Variants in DPPA3 observed in about 807,000 individuals in gnomAD.
DPPA3 encodes the protein developmental pluripotency-associated protein 3.
Under a neutral mutation model 15.6 loss-of-function variants are expected in DPPA3, and 9 were observed. The ratio of observed to expected loss-of-function variants is 0.58; its 90% CI spans 0.35 to 1.01. The LOEUF (loss-of-function observed/expected upper bound fraction) is 1.01, where lower values mean the gene tolerates loss of function less well. Among genes scored for constraint, DPPA3 ranks in the 50% least tolerant of loss-of-function variants. The pLI, the probability that DPPA3 is intolerant of heterozygous loss-of-function variation, is 0.02. For synonymous variants in DPPA3, 61 were observed against 70.9 expected (o/e 0.86, Z 0.70); for missense variants, 148 against 194.6 (o/e 0.76, Z 1.42).
chr12:7,717,092 CCTTT>C lies in DPPA3; in HGVS notation c.*16_*19del. 1.3e-6 allele frequency: 2 copies of C among 1,560,150 alleles called. No homozygotes were observed. Among genetic ancestry groups the C allele is most frequent in the Non-Finnish European group, 1.8e-6 (2 of 1,136,678 alleles). Reference sequence around the variant, plus strand: ...TTCAGCCATAAATCTTATTCTTGCACCTTTTTTTCTTGGTAGTAATTTTATATAG... The same window carrying C: ...TTCAGCCATAAATCTTATTCTTGCACTTTTCTTGGTAGTAATTTTATATAG... On this transcript the variant is annotated 3_prime_UTR_variant, in exon 4 of 4. Transcript: ENST00000345088.
chr12:7,716,602 TAC>T (rs1864402429), intron 3 of DPPA3, among the ~76,000 whole-genome samples: 2 of 77,052 alleles, frequency 2.6e-5, no homozygotes, highest in Non-Finnish European at 7.3e-5. Context: ...GTTAGGTTGA[TAC>T]TTTCACGTGC....
intron 1 of DPPA3, among the ~76,000 whole-genome samples, chr12:7,714,103 G>C (rs548287120): frequency 7.6e-4 from 116 of 152,110 alleles, no homozygotes; most frequent in Non-Finnish European, 1.3e-3. Context: ...GGTGGTGGGC[G>C]CCTGTAGTCC....
Position 7,715,367 on chromosome 12 carries a change from G to C in DPPA3, c.267G>C (p.Leu89=), listed in dbSNP as rs761582573. 1 of 1,614,158 alleles carries C rather than the reference G, an allele frequency of 6.2e-7. No individual in the cohort carries two copies. Among genetic ancestry groups the C allele is most frequent in the Admixed American group, 1.7e-5 (1 of 60,004 alleles). ...GCAGGAGAGGAGTAAGAACATTGCTGTCTGTGCAGAGAGAAAAGATGGCAA... is the reference window on the plus strand; with the variant it reads ...GCAGGAGAGGAGTAAGAACATTGCTCTCTGTGCAGAGAGAAAAGATGGCAA... ...LYSRRGVRTL[L]SVQREKMARL... is the part of the protein sequence containing the mutation. Residue 89 remains leucine (L), a synonymous_variant, in exon 2 of 4, where the codon CTG becomes CTC. Coordinates refer to ENST00000345088, the MANE Select transcript of DPPA3 (RefSeq NM_199286.4).
chr12:7,716,247 T>C lies in DPPA3; in HGVS notation c.369+8T>C. On this transcript the variant is annotated splice_region_variant and intron_variant, in intron 3 of 3. Coordinates refer to ENST00000345088, the MANE Select transcript of DPPA3 (RefSeq NM_199286.4). ...GAGCCTAAGGGAGTTAAGGTAAGTA[T>C]AATTTTTTTCTTTTTATTTTCCTTT... 6.4e-7 allele frequency: 1 copy of C among 1,563,858 alleles called. No homozygotes were observed. The highest frequency in any genetic ancestry group is 1.2e-5 in the South Asian group (1 of 81,390).
At chr12:7,712,893 G>A (rs1426939178) in intron 1 of DPPA3, among the ~76,000 whole-genome samples, 1 of 152,184 alleles carries the variant, frequency 6.6e-6, no homozygotes, top group Non-Finnish European at 1.5e-5. Context: ...ACATTTTTGA[G>A]ACAGGCTTTC....
At chr12:7,716,369 G>T in intron 3 of DPPA3, 130 bp downstream of exon 3, 1 of 678,484 alleles carries the variant, frequency 1.5e-6, no homozygotes, top group Non-Finnish European at 2.5e-6. Flanking sequence ...GAATCCCCAG[G>T]GACTCTGGAT....
At chr12:7,714,093 G>A (rs1048130022) in intron 1 of DPPA3, among the ~76,000 whole-genome samples, 7 of 151,908 alleles carry the variant, frequency 4.6e-5, no homozygotes, top group Non-Finnish European at 7.4e-5. Context: ...AGCCGGGCAT[G>A]GTGGTGGGCG....
chr12:7,716,821 A>C (rs1468726283), intron 3 of DPPA3, 146 bp from the exon 4 acceptor site: 8 of 709,500 alleles, frequency 1.1e-5, no homozygotes, highest in Middle Eastern at 4.8e-4. Context: ...TTCTCCTAAA[A>C]TGTTTTGCTT....
chr12:7,713,988 G>C (rs1024454959), intron 1 of DPPA3, among the ~76,000 whole-genome samples: 4 of 152,166 alleles, frequency 2.6e-5, no homozygotes, highest in Admixed American at 1.3e-4. Context: ...ACTCCAGCCT[G>C]GGTGACAGAG....
At chr12:7,715,781 G>C (rs990211590) in intron 2 of DPPA3, among the ~76,000 whole-genome samples, 2 of 151,138 alleles carry the variant, frequency 1.3e-5, no homozygotes, top group Non-Finnish European at 2.9e-5. Context: ...TGGGCAACAA[G>C]AACAAAACAA....
chr12:7,716,642 G>A (rs1864403843), intron 3 of DPPA3, among the ~76,000 whole-genome samples: 1 of 152,124 alleles, frequency 6.6e-6, no homozygotes, highest in African/African-American at 2.4e-5. Context: ...CGGTAGCACT[G>A]TATAGTAAGA....
intron 1 of DPPA3, among the ~76,000 whole-genome samples, chr12:7,713,071 A>G (rs1864362679): frequency 6.6e-6 from 1 of 152,220 alleles, no homozygotes; most frequent in Admixed American, 6.5e-5. Context: ...CTTCCGGTGG[A>G]GAACTCCTTT....
At position 7,715,308 on chromosome 12, in the gene DPPA3, G is replaced by T. The variant is rs1329939142; in HGVS notation, c.208G>T (p.Val70Phe). The change falls in exon 2 of 4, where the codon GTC (valine) becomes TTC (phenylalanine). Residue 70 changes from valine (V) to phenylalanine (F), a missense_variant. By Grantham distance (50) the Val-to-Phe change is conservative. Transcript: ENST00000345088. ...CCGTCGAGAGTCTGTAGGAGCAGCA[G>T]TCCTCAGGGAAATCGAAGATGAGTG... ...LLRRESVGAA[V>F]LREIEDEWLY... The T allele has an allele frequency of 6.2e-7, 1 of 1,614,098 alleles. No individual in the cohort carries two copies. The highest frequency in any genetic ancestry group is 8.5e-7 in the Non-Finnish European group (1 of 1,179,988).
intron 2 of DPPA3, 87 bp from the exon 3 acceptor site, chr12:7,716,111 C>G: frequency 8.4e-7 from 1 of 1,195,128 alleles, no homozygotes; most frequent in Non-Finnish European, 1.2e-6. Context: ...TCAACAAATT[C>G]CCTAGCTTCT....
chr12:7,715,488 G>A, intron 2 of DPPA3, 61 bp downstream of exon 2: 2 of 1,610,980 alleles, frequency 1.2e-6, no homozygotes, highest in East Asian at 2.2e-5. Context: ...CATAAATTAA[G>A]ACCTAATTAA....
In DPPA3 at chr12:7,717,006, G is replaced by A. The variant is rs571145972; in HGVS notation, c.409G>A (p.Val137Met). Residue 137 changes from valine to methionine, a missense_variant, in exon 4 of 4, where the codon GTG (valine) becomes ATG (methionine). Transcript: ENST00000345088. ...ATTCAAATGTCCCTGCAGTTTCTGC[G>A]TGTCTAATGGATGGGATCCTTCTGA... ...RPFKCPCSFC[V>M]SNGWDPSENA... is the part of the protein sequence containing the mutation. 5.9e-5 allele frequency: 96 copies of A among 1,613,636 alleles called. No homozygotes were observed. Among genetic ancestry groups the A allele is most frequent in the South Asian group, 3.0e-4 (27 of 91,062 alleles).
At position 7,715,180 on chromosome 12, in the gene DPPA3, C is replaced by T; in HGVS notation, c.83-3C>T. 1.9e-6 allele frequency: 3 copies of T among 1,613,250 alleles called. No individual in the cohort carries two copies. Among genetic ancestry groups the T allele is most frequent in the Non-Finnish European group, 1.7e-6 (2 of 1,179,674 alleles). On this transcript the variant is annotated splice_region_variant and splice_polypyrimidine_tract_variant and intron_variant, in intron 1 of 3. Transcript: ENST00000345088. Reference sequence around the variant, plus strand: ...TGTAATGGCTTTTAACCTTCTCTTTCAGGGGCCTCTCAAATCTCCTCCGAG... The same window carrying T: ...TGTAATGGCTTTTAACCTTCTCTTTTAGGGGCCTCTCAAATCTCCTCCGAG...
rs781477315 is a variant in DPPA3, at chr12:7,717,022, A to T, written c.425A>T (p.Asp142Val). 1.2e-6 allele frequency: 2 copies of T among 1,613,806 alleles called. No individual in the cohort carries two copies. The highest frequency in any genetic ancestry group is 1.7e-6 in the Non-Finnish European group (2 of 1,179,976). Residue 142 changes from aspartate to valine, a missense_variant, in exon 4 of 4, where the codon GAT becomes GTT. Transcript: ENST00000345088. ...AGTTTCTGCGTGTCTAATGGATGGG[A>T]TCCTTCTGAGAATGCTAGAATAGGG... ...PCSFCVSNGWDPSENARIGNQ... is the reference protein window; with the variant it reads ...PCSFCVSNGWVPSENARIGNQ...
intron 2 of DPPA3, 108 bp downstream of exon 2, chr12:7,715,535 C>G: frequency 6.5e-7 from 1 of 1,542,044 alleles, no homozygotes; most frequent in Non-Finnish European, 8.8e-7. Context: ...GTGGCTGAGG[C>G]CTGTAATCTG....
Sources: gnomAD v4.1 joint callset for allele counts (sites outside exome capture counted in the v4.1 genomes callset) on GRCh38, gnomAD v4.1.1 for gene constraint, MANE v1.5 for transcripts, NCBI Gene and HGNC (gene_info 2026-07-23, HGNC 2026-07-21) for gene names.